The following LRRC61 variants were observed in gnomAD, a reference collection of about 807,000 sequenced individuals.
LRRC61 encodes the protein leucine rich repeat containing 61, also known as leucine-rich repeat-containing protein 61.
A neutral mutation model predicts 15.1 loss-of-function variants in LRRC61; 9 were observed. The observed-to-expected ratio is 0.60, with a 90% CI of 0.36 to 1.04. LRRC61 has a LOEUF of 1.04. LRRC61 is among the 50% of genes least tolerant of loss of function. The pLI, the probability that LRRC61 is intolerant of heterozygous loss-of-function variation, is 0.01. For missense variants in LRRC61, 344 were observed against 335.6 expected (o/e 1.03, Z -0.20); for synonymous variants, 173 against 158.6 (o/e 1.09, Z -0.68).
At chr7:150,314,202 G>A in the LRRC61 span, among the ~76,000 whole-genome samples, 15 of 152,210 alleles carry the variant, frequency 9.9e-5, no homozygotes, top group African/African-American at 3.1e-4. Context: ...GGCAGGAGCC[G>A]AAGGGATCTG....
Position 150,330,978 on chromosome 7 carries a change from G to A in LRRC61, c.-145+4968G>A, listed in dbSNP as rs1275546769. 4 of 1,611,874 alleles carry A rather than the reference G, an allele frequency of 2.5e-6. No homozygotes were observed. The African/African-American group carries it at 5.3e-5, about 22-fold the overall frequency. ...CTCGCTGTCCACCAAGAGCCACTGG[G>A]CCAGCATCATTGTCAAGAAGTATCT... On this transcript the variant is annotated intron_variant, in intron 2 of 2. Transcript: ENST00000359623. The surrounding 1 kb of genome is among the most constrained non-coding windows in gnomAD (Gnocchi z 4.6).
At position 150,338,055 on chromosome 7, in the gene LRRC61, A is replaced by C; in HGVS notation, c.*414A>C. 4.7e-6 allele frequency: 2 copies of C among 423,032 alleles called. No individual in the cohort carries two copies. The highest frequency in any genetic ancestry group is 3.8e-5 in the Admixed American group (1 of 26,602). The allele number at this position is 423,032 out of a possible 1,614,324, so 26.2% of individuals were successfully genotyped here. ...GAAGTGGGACTCCCCTGCCTTGCAA[A>C]TGTGCCTCTCCAGACTGCTCCTGCA... On this transcript the variant is annotated 3_prime_UTR_variant, in exon 3 of 3. Coordinates refer to ENST00000359623, the MANE Select transcript of LRRC61 (RefSeq NM_001142928.2).
rs979677581 is a variant in LRRC61 at position 150,333,859 on chromosome 7, T to C, written c.-144-2859T>C. Reference sequence around the variant, plus strand: ...CGGCTGGTTCTCAGTCCTACTGGGCTACCTGTTTGCAGTGTGCAGGTGATG... The same window carrying C: ...CGGCTGGTTCTCAGTCCTACTGGGCCACCTGTTTGCAGTGTGCAGGTGATG... On this transcript the variant is annotated intron_variant, in intron 2 of 2. Transcript: ENST00000359623. This position sits in a 1 kb window ranked among gnomAD's most constrained non-coding sequence, Gnocchi z 4.3. 9.2e-6 allele frequency: 9 copies of C among 978,060 alleles called. No homozygotes were observed. The South Asian group carries it at 4.3e-4, about 46-fold the overall frequency. The allele number at this position is 978,060 out of a possible 1,614,324, so 60.6% of individuals were successfully genotyped here.
At chr7:150,336,020 G>A (rs1798276060) in intron 2 of LRRC61, among the ~76,000 whole-genome samples, 1 of 152,216 alleles carries the variant, frequency 6.6e-6, no homozygotes, top group South Asian at 2.1e-4. Flanking sequence ...CAGAGCAAAA[G>A]AGCTAGCTTT....
the LRRC61 span, among the ~76,000 whole-genome samples, chr7:150,316,965 GT>G: frequency 6.6e-6 from 1 of 151,284 alleles, no homozygotes; most frequent in Non-Finnish European, 1.5e-5. Flanking sequence ...AAAAGTTTTG[GT>G]TTTTTTTCAC....
At chr7:150,328,927 G>A (rs1200101969) in intron 2 of LRRC61, 1 of 152,210 alleles carries the variant, frequency 6.6e-6, no homozygotes, top group Non-Finnish European at 1.5e-5. Context: ...TGTGAAGCAA[G>A]TCCCATGCCC....
Position 150,335,030 on chromosome 7 carries a change from C to CA in LRRC61, c.-144-1670dup, listed in dbSNP as rs58391879. Among the ~76,000 whole-genome samples, 1,431 of 102,154 alleles carry CA rather than the reference C, an allele frequency of 0.014. 8 individuals are homozygous for CA. Among genetic ancestry groups the CA allele is most frequent in the African/African-American group, 0.027 (757 of 28,438 alleles). 67.0% of individuals were successfully genotyped at this position (102,154 alleles called of 152,430 possible). A position where few individuals can be genotyped will look rare whatever the true frequency, so the allele number is the denominator to read the frequency against. Reference sequence around the variant, plus strand: ...GGGCAACAAGAGTGAAACTCTGTCTCAAAAAAAAAAAAAAAAAAGAAAAAA... The same window carrying CA: ...GGGCAACAAGAGTGAAACTCTGTCTCAAAAAAAAAAAAAAAAAAAGAAAAAA... On this transcript the variant is annotated intron_variant, in intron 2 of 2. Transcript: ENST00000359623. The surrounding 1 kb of genome is among the most constrained non-coding windows in gnomAD (Gnocchi z 4.3).
chr7:150,328,645 G>A (rs55881542), intron 2 of LRRC61: 32,965 of 152,186 alleles, frequency 0.22, 3,824 homozygotes, highest in East Asian at 0.29. Context: ...TTACCGTGAT[G>A]CTGAATCAGC....
upstream of LRRC61, among the ~76,000 whole-genome samples, chr7:150,322,042 T>TG (rs1797570584): frequency 6.6e-6 from 1 of 152,236 alleles, no homozygotes; most frequent in Admixed American, 6.5e-5. Flanking sequence ...GGAACCAACA[T>TG]GGGACAAACA....
chr7:150,331,062 C>T lies in LRRC61; in HGVS notation c.-145+5052C>T, dbSNP rs183629147. 295 of 1,612,398 alleles carry T rather than the reference C, an allele frequency of 1.8e-4. 2 individuals are homozygous for T. In the South Asian group the frequency reaches 2.5e-3, roughly 14 times the overall value. On this transcript the variant is annotated intron_variant, in intron 2 of 2. Coordinates refer to ENST00000359623, the MANE Select transcript of LRRC61 (RefSeq NM_001142928.2). The stretch of plus-strand genomic sequence containing the variant: ...CCCCCTGGCTTACTGGGAGAAGAAG[C>T]GAGAAGCCTGGCCACCATCTATCTG...
intron 2 of LRRC61, among the ~76,000 whole-genome samples, chr7:150,329,075 A>G (rs891987991): frequency 2.0e-5 from 3 of 152,216 alleles, no homozygotes; most frequent in African/African-American, 7.2e-5. Context: ...AAACATTTTC[A>G]AGGTCGGGGG....
In LRRC61 at chr7:150,337,342, G is replaced by A. The variant is rs566807948; in HGVS notation, c.481G>A (p.Asp161Asn). Reference protein sequence around the residue: ...RELLPGLKVIDGERVIGRGSE... With the variant: ...RELLPGLKVINGERVIGRGSE... ...GCTGCTGCCTGGCCTGAAAGTCATCGACGGTGAGCGTGTGATTGGGCGTGG... is the reference window on the plus strand; with the variant it reads ...GCTGCTGCCTGGCCTGAAAGTCATCAACGGTGAGCGTGTGATTGGGCGTGG... Residue 161 changes from aspartate to asparagine, a missense_variant, in exon 3 of 3, where the codon GAC becomes AAC. Coordinates refer to ENST00000359623, the MANE Select transcript of LRRC61 (RefSeq NM_001142928.2). The A allele has an allele frequency of 3.1e-5, 49 of 1,604,388 alleles. No individual in the cohort carries two copies. Among genetic ancestry groups the A allele is most frequent in the Middle Eastern group, 1.7e-4 (1 of 6,060 alleles).
At position 150,325,895 on chromosome 7, in the gene LRRC61, AAGT is replaced by A. The variant is rs1797949997; in HGVS notation, c.-258_-256del. ...CAGTGCCAGCTGCACTGTCATCCTA[AAGT>A]ACTTCTGTGGAAGAGAACATGGTGG... On this transcript the variant is annotated 5_prime_UTR_variant, in exon 2 of 3. Transcript: ENST00000359623. 1 of 152,678 alleles carries A rather than the reference AAGT, an allele frequency of 6.5e-6. No homozygotes were observed. The highest frequency in any genetic ancestry group is 2.1e-4 in the South Asian group (1 of 4,826). The allele number at this position is 152,678 out of a possible 1,614,324, so 9.5% of individuals were successfully genotyped here. A position where few individuals can be genotyped will look rare whatever the true frequency, so the allele number is the denominator to read the frequency against.
At position 150,331,009 on chromosome 7, in the gene LRRC61, A is replaced by G. The variant is rs76490935; in HGVS notation, c.-145+4999A>G. 19,403 of 1,611,674 alleles carry G rather than the reference A, an allele frequency of 0.012. 798 individuals are homozygous for G. In the East Asian group the frequency reaches 0.15, roughly 12 times the overall value. On this transcript the variant is annotated intron_variant, in intron 2 of 2. Transcript: ENST00000359623. ...ATCATTGTCAAGAAGTATCTGTGGG[A>G]GAATGAGACCGTTGGAGCCCAGGAT...
chr7:150,322,103 T>C (rs191032133), upstream of LRRC61, among the ~76,000 whole-genome samples: 1,060 of 152,234 alleles, frequency 7.0e-3, 4 homozygotes, highest in Non-Finnish European at 0.012. Context: ...CCCACACAAT[T>C]TGTAGCTGCA....
chr7:150,321,540 G>A (rs1413220344), upstream of LRRC61, among the ~76,000 whole-genome samples: 5 of 152,182 alleles, frequency 3.3e-5, no homozygotes, highest in African/African-American at 1.2e-4. Flanking sequence ...AGGAGTTTGA[G>A]ACCACCCTGG....
rs367956410 is a variant in LRRC61, at chr7:150,325,533, T to TCACG, written c.-314-307_-314-304dup. 1.5e-3 allele frequency among the ~76,000 whole-genome samples: 234 copies of TCACG among 152,320 alleles called. 1 individual carries two copies. The highest frequency in any genetic ancestry group is 5.0e-3 in the African/African-American group (206 of 41,574). ...CTCAGGCTGGAATGCAGTGGTGCAA[T>TCACG]CACGGCTCACTGCAATCTCCACTTC... is the stretch of plus-strand genomic sequence containing the variant. On this transcript the variant is annotated intron_variant, in intron 1 of 2. Transcript: ENST00000359623.
At chr7:150,313,187 T>C in the LRRC61 span, among the ~76,000 whole-genome samples, 1 of 152,178 alleles carries the variant, frequency 6.6e-6, no homozygotes, top group Non-Finnish European at 1.5e-5. Flanking sequence ...CTTCGCTGAC[T>C]CTCTTTTCAG....
At chr7:150,327,732 A>C (rs960740565) in intron 2 of LRRC61, among the ~76,000 whole-genome samples, 1 of 150,980 alleles carries the variant, frequency 6.6e-6, no homozygotes, top group Non-Finnish European at 1.5e-5. Context: ...AGGTGGGAGG[A>C]TCGCTTAAGC....
Sources: gnomAD v4.1 joint callset for allele counts (sites outside exome capture counted in the v4.1 genomes callset) on GRCh38, gnomAD v4.1.1 for gene constraint, Gnocchi (gnomAD v3.1) non-coding constraint, MANE v1.5 for transcripts, NCBI Gene and HGNC (gene_info 2026-07-23, HGNC 2026-07-21) for gene names.